PRKG1: variants seen among roughly 807,000 people sequenced by gnomAD.
PRKG1 encodes protein kinase cGMP-dependent 1, also known as cGMP-dependent protein kinase 1.
PRKG1 carries 35 observed loss-of-function variants against 88.1 expected under a neutral mutation model. The observed-to-expected ratio is 0.40, with a 90% CI of 0.30 to 0.53. The LOEUF (loss-of-function observed/expected upper bound fraction) is 0.53. Among genes scored for constraint, PRKG1 ranks in the 20% least tolerant of loss-of-function variants. The probability of loss-of-function intolerance (pLI) is 0.59; values close to 1 mark genes in which losing one functional copy is unlikely to be tolerated. For synonymous variants in PRKG1, 303 were observed against 292.5 expected (o/e 1.04, Z -0.37); for missense variants, 540 against 839.8 (o/e 0.64, Z 4.41).
At chr10:51,583,913 G>A (rs1434841150) in intron 3 of PRKG1, among the ~76,000 whole-genome samples, 1 of 151,872 alleles carries the variant, frequency 6.6e-6, no homozygotes, top group Non-Finnish European at 1.5e-5. Flanking sequence ...TTTTTGAATT[G>A]TGAATCAATT....
chr10:51,549,501 G>A (rs757069158), intron 3 of PRKG1, among the ~76,000 whole-genome samples: 55 of 152,012 alleles, frequency 3.6e-4, no homozygotes, highest in Non-Finnish European at 6.8e-4. Flanking sequence ...GTTGCGATAG[G>A]TTTATTATTT....
At chr10:51,126,864 G>A (rs906142931) in intron 1 of PRKG1, among the ~76,000 whole-genome samples, 1 of 152,066 alleles carries the variant, frequency 6.6e-6, no homozygotes, top group African/African-American at 2.4e-5. Context: ...CAATGGGGAA[G>A]GATTCCCTAG....
chr10:52,072,470 GA>G (rs906848920), intron 7 of PRKG1, among the ~76,000 whole-genome samples: 2 of 152,104 alleles, frequency 1.3e-5, no homozygotes, highest in Non-Finnish European at 2.9e-5. Flanking sequence ...GAAAAGCACA[GA>G]GTATCATAGT....
intron 1 of PRKG1, among the ~76,000 whole-genome samples, chr10:51,098,431 A>G (rs572220751): frequency 6.6e-6 from 1 of 152,112 alleles, no homozygotes; most frequent in Non-Finnish European, 1.5e-5. Context: ...TGAGTAACAG[A>G]ACAGGCCAAG....
intron 9 of PRKG1, among the ~76,000 whole-genome samples, chr10:52,246,994 T>C (rs1254900495): frequency 6.6e-6 from 1 of 151,870 alleles, no homozygotes; most frequent in Non-Finnish European, 1.5e-5. Context: ...TGAGAAATGA[T>C]GTATTACTTC....
At chr10:51,537,214 G>T (rs1021919410) in intron 3 of PRKG1, among the ~76,000 whole-genome samples, 1 of 152,114 alleles carries the variant, frequency 6.6e-6, no homozygotes, top group African/African-American at 2.4e-5. Context: ...CAAGAATTGT[G>T]ATTTGTTTAC....
intron 1 of PRKG1, among the ~76,000 whole-genome samples, chr10:51,127,964 G>A (rs1014095563): frequency 6.6e-6 from 1 of 151,954 alleles, no homozygotes. Flanking sequence ...GTTCAGGGGT[G>A]GGGGGCAAGG....
At chr10:51,565,816 A>C (rs75420380) in intron 3 of PRKG1, among the ~76,000 whole-genome samples, 4,855 of 152,174 alleles carry the variant, frequency 0.032, 142 homozygotes, top group African/African-American at 0.074. Flanking sequence ...AAAATGCATC[A>C]GCTATTTATA....
At position 52,256,739 on chromosome 10, in the gene PRKG1, G is replaced by A. The variant is rs1841317856; in HGVS notation, c.1173+5073G>A. On this transcript the variant is annotated intron_variant, in intron 10 of 17. Coordinates refer to ENST00000373980, the MANE Select transcript of PRKG1 (RefSeq NM_006258.4). Reference sequence around the variant, plus strand: ...TTTTCTTTTCCATTGCTAGGCCAAGGCCTGAGAGTGCAACCATTATTCCAA... The same window carrying A: ...TTTTCTTTTCCATTGCTAGGCCAAGACCTGAGAGTGCAACCATTATTCCAA... Among the ~76,000 whole-genome samples the A allele has an allele frequency of 1.4e-5, 2 of 139,646 alleles. 1 individual carries two copies. The highest frequency in any genetic ancestry group is 3.2e-5 in the Non-Finnish European group (2 of 61,726). The allele number at this position is 139,646 out of a possible 152,430, so 91.6% of individuals were successfully genotyped here.
At chr10:51,581,501 G>C (rs1378527052) in intron 3 of PRKG1, among the ~76,000 whole-genome samples, 1 of 151,976 alleles carries the variant, frequency 6.6e-6, no homozygotes, top group East Asian at 1.9e-4. Context: ...CTGTTTATAG[G>C]CTCTCCACAA....
At position 50,991,669 on chromosome 10, in the gene PRKG1, G is replaced by T; in HGVS notation, c.266+25G>T. ...GGTAGGCGCGGAGGCCGTGGGCCCG[G>T]GCGCTCGTCCCGGCCCGCGGCGCAG... On this transcript the variant is annotated intron_variant, in intron 1 of 17. Coordinates refer to the PRKG1 transcript ENST00000401604. This position sits in a 1 kb window ranked among gnomAD's most constrained non-coding sequence, Gnocchi z 4.5. 6.9e-7 allele frequency: 1 copy of T among 1,454,922 alleles called. No homozygotes were observed. Among genetic ancestry groups the T allele is most frequent in the South Asian group, 1.3e-5 (1 of 74,846 alleles). The allele number at this position is 1,454,922 out of a possible 1,614,324, so 90.1% of individuals were successfully genotyped here.
intron 2 of PRKG1, among the ~76,000 whole-genome samples, chr10:51,385,606 G>A (rs61849770): frequency 0.047 from 7,083 of 152,162 alleles, 216 homozygotes; most frequent in Middle Eastern, 0.11. Flanking sequence ...ATCAGACCCT[G>A]TGATGGACTC....
chr10:51,667,563 T>A (rs572851418), intron 3 of PRKG1, among the ~76,000 whole-genome samples: 1 of 139,666 alleles, frequency 7.2e-6, no homozygotes, highest in Non-Finnish European at 1.6e-5. Flanking sequence ...ATACAAACCA[T>A]ATTTTTAAAG....
rs1188971596 is a variant in PRKG1 at position 50,991,059 on chromosome 10, G to A, written c.-320G>A. The A allele has an allele frequency of 7.7e-5, 20 of 258,284 alleles. No homozygotes were observed. Among genetic ancestry groups the A allele is most frequent in the Non-Finnish European group, 1.5e-4 (20 of 136,412 alleles). The allele number at this position is 258,284 out of a possible 1,614,324, so 16.0% of individuals were successfully genotyped here. A position where few individuals can be genotyped will look rare whatever the true frequency, so the allele number is the denominator to read the frequency against. On this transcript the variant is annotated 5_prime_UTR_variant, in exon 1 of 18. Coordinates refer to the PRKG1 transcript ENST00000401604. This position sits in a 1 kb window ranked among gnomAD's most constrained non-coding sequence, Gnocchi z 4.5. ...AGGGAGGGGGTCTCAGGGGAGGAAG[G>A]GCAGCTCTAATTGGTTTCTCAATGA...
intron 5 of PRKG1, among the ~76,000 whole-genome samples, chr10:51,960,575 G>A (rs971164382): frequency 2.0e-5 from 3 of 148,258 alleles, no homozygotes; most frequent in Non-Finnish European, 3.0e-5. Flanking sequence ...ATTCTATATC[G>A]TTACCCACAG....
At chr10:51,833,304 G>A (rs368035977) in intron 4 of PRKG1, among the ~76,000 whole-genome samples, 8 of 152,104 alleles carry the variant, frequency 5.3e-5, no homozygotes, top group South Asian at 2.1e-4. Context: ...GTAGCTAGGC[G>A]TTTGAAGAAC....
intron 2 of PRKG1, among the ~76,000 whole-genome samples, chr10:51,236,066 T>C (rs1838980092): frequency 1.3e-5 from 2 of 152,170 alleles, no homozygotes; most frequent in South Asian, 2.1e-4. Flanking sequence ...AGATCCCAGA[T>C]GGTACTGATG....
At chr10:51,879,136 T>G (rs1269752309) in intron 4 of PRKG1, among the ~76,000 whole-genome samples, 1 of 152,132 alleles carries the variant, frequency 6.6e-6, no homozygotes, top group Non-Finnish European at 1.5e-5. Context: ...AAATATCAAT[T>G]TGTTTTTGGC....
intron 9 of PRKG1, among the ~76,000 whole-genome samples, chr10:52,164,943 A>G (rs1202267452): frequency 3.3e-5 from 5 of 152,178 alleles, no homozygotes; most frequent in African/African-American, 1.2e-4. Flanking sequence ...GCAAATTTCA[A>G]CTGTACAGTT....
Sources: allele counts gnomAD v4.1 joint callset (sites outside exome capture counted in the v4.1 genomes callset), GRCh38; gene constraint gnomAD v4.1.1; non-coding constraint Gnocchi (gnomAD v3.1); transcripts MANE v1.5; gene names NCBI Gene and HGNC (gene_info 2026-07-23, HGNC 2026-07-21).